Variants in DHX29 observed in about 807,000 individuals in gnomAD.
DHX29 encodes ATP-dependent RNA helicase DHX29.
DHX29 carries 79 observed loss-of-function variants against 167.9 expected under a neutral mutation model. The observed-to-expected ratio is 0.47, with a 90% CI of 0.39 to 0.57. DHX29 has a LOEUF of 0.57. Among genes scored for constraint, DHX29 ranks in the 20% least tolerant of loss-of-function variants. The pLI is 0.00. For missense variants in DHX29, 1,347 were observed against 1,593.4 expected (o/e 0.85, Z 2.63); for synonymous variants, 530 against 546.0 (o/e 0.97, Z 0.41).
At chr5:55,292,132 T>A (rs1748079054) in intron 6 of DHX29, among the ~76,000 whole-genome samples, 3 of 152,194 alleles carry the variant, frequency 2.0e-5, no homozygotes, top group Non-Finnish European at 2.9e-5. Flanking sequence ...CATTTTACAT[T>A]CCCACCAACA....
At chr5:55,265,357 ACT>A (rs772427344) in intron 23 of DHX29, among the ~76,000 whole-genome samples, 44 of 151,264 alleles carry the variant, frequency 2.9e-4, no homozygotes, top group Non-Finnish European at 5.3e-4. Context: ...AAGGGAGATG[ACT>A]CTGAAAAAAA....
In DHX29 at chr5:55,289,428, T is replaced by A. The variant is rs1259906697; in HGVS notation, c.908A>T (p.Glu303Val). 1 of 1,525,122 alleles carries A rather than the reference T, an allele frequency of 6.6e-7. No individual in the cohort carries two copies. The highest frequency in any genetic ancestry group is 2.5e-5 in the East Asian group (1 of 40,214). 94.5% of individuals were successfully genotyped at this position (1,525,122 alleles called of 1,614,324 possible). ...TGGATGGTCTTCTAAAGTTTCCATTTCTACCAAGAAAAAAATATAATGTTT... is the reference window on the plus strand; with the variant it reads ...TGGATGGTCTTCTAAAGTTTCCATTACTACCAAGAAAAAAATATAATGTTT... ...AQEKIRKFQREMETLEDHPVF... is the reference protein window; with the variant it reads ...AQEKIRKFQRVMETLEDHPVF... Residue 303 changes from glutamate to valine, a missense_variant and splice_region_variant, in exon 8 of 27, where the codon GAA (glutamate) becomes GTA (valine). By Grantham distance (121) the Glu-to-Val change is moderately radical (BLOSUM62 -2). This residue lies in a region of DHX29 where 405 missense variants were observed against 416.8 expected (regional missense o/e 0.97). Transcript: ENST00000251636.
intron 14 of DHX29, 118 bp downstream of exon 14, chr5:55,276,148 C>T: frequency 1.2e-6 from 1 of 833,844 alleles, no homozygotes; most frequent in Non-Finnish European, 1.8e-6. Context: ...CAGATCTGTT[C>T]CTCATCTATC....
intron 1 of DHX29, among the ~76,000 whole-genome samples, chr5:55,303,343 C>A (rs1748701701): frequency 6.6e-6 from 1 of 152,070 alleles, no homozygotes; most frequent in Non-Finnish European, 1.5e-5. Flanking sequence ...GGTAAACAGA[C>A]CCAGTGCCTG....
intron 1 of DHX29, among the ~76,000 whole-genome samples, chr5:55,300,942 T>C (rs920854720): frequency 1.3e-5 from 2 of 152,182 alleles, no homozygotes; most frequent in Admixed American, 1.3e-4. Flanking sequence ...GAGGTTTCAT[T>C]CTGAGGCCTC....
intron 23 of DHX29, among the ~76,000 whole-genome samples, chr5:55,266,815 T>C (rs1746601052): frequency 6.6e-6 from 1 of 151,672 alleles, no homozygotes; most frequent in Non-Finnish European, 1.5e-5. Flanking sequence ...GCAGTCTCAC[T>C]ATGTGCCCAG....
chr5:55,270,333 G>C, intron 20 of DHX29, 79 bp downstream of exon 20: 1 of 1,429,420 alleles, frequency 7.0e-7, no homozygotes, highest in Non-Finnish European at 9.3e-7. Context: ...AGCAATATAA[G>C]GTAAGTTTAG....
rs78771409 is a variant in DHX29, at chr5:55,257,422, C to T, written c.4058-882G>A. Among the ~76,000 whole-genome samples, 245 of 152,178 alleles carry T rather than the reference C, an allele frequency of 1.6e-3. 3 individuals are homozygous for T. In the East Asian group the frequency reaches 0.032, roughly 20 times the overall value. ...GGAACAATGGCAGGTCTAGAAAGAA[C>T]GTTTTTCTTTTTTATTTTTTAAGAG... On this transcript the variant is annotated intron_variant, in intron 26 of 26. Coordinates refer to ENST00000251636, the MANE Select transcript of DHX29 (RefSeq NM_019030.4).
chr5:55,285,948 A>G, intron 8 of DHX29, 87 bp from the exon 9 acceptor site: 1 of 1,115,154 alleles, frequency 9.0e-7, no homozygotes, highest in Non-Finnish European at 1.2e-6. Flanking sequence ...TTTGGAGAAC[A>G]GCACTTTTAG....
At chr5:55,261,071 T>C (rs1454890096) in intron 25 of DHX29, among the ~76,000 whole-genome samples, 1 of 152,168 alleles carries the variant, frequency 6.6e-6, no homozygotes, top group African/African-American at 2.4e-5. Flanking sequence ...AGAAATTACC[T>C]AACAAGGTTG....
At chr5:55,307,205 A>C (rs935343401) in intron 1 of DHX29, among the ~76,000 whole-genome samples, 182 bp downstream of exon 1, 3 of 152,224 alleles carry the variant, frequency 2.0e-5, no homozygotes, top group Non-Finnish European at 4.4e-5. Flanking sequence ...AGAATTTTGG[A>C]GGCCCAAAGA....
intron 12 of DHX29, among the ~76,000 whole-genome samples, chr5:55,277,792 G>C (rs1037805319): frequency 6.6e-6 from 1 of 151,394 alleles, no homozygotes; most frequent in African/African-American, 2.4e-5. Context: ...TGTAATCCCA[G>C]CTACCCGGGA....
chr5:55,262,655 T>C lies in DHX29; in HGVS notation c.3803A>G (p.His1268Arg), dbSNP rs111771500. 1 of 1,613,982 alleles carries C rather than the reference T, an allele frequency of 6.2e-7. No homozygotes were observed. The highest frequency in any genetic ancestry group is 8.5e-7 in the Non-Finnish European group (1 of 1,179,970). The stretch of plus-strand genomic sequence containing the variant: ...CTTCTCCTGGTATAAGAGCCATCCA[T>C]GAGTTTGCAAATCTCGATTTACTGA... The part of the protein sequence containing the change: ...PSSVNRDLQT[H>R]GWLLYQEKIR... The change falls in exon 24 of 27, where the codon CAT becomes CGT. Residue 1268 changes from histidine to arginine, a missense_variant. His to Arg is a conservative substitution (Grantham distance 29, BLOSUM62 0). Around this residue, in one of 3 missense-constraint regions of DHX29, gnomAD observed 882 missense variants for 1,082.4 expected, o/e 0.81. Transcript: ENST00000251636.
intron 23 of DHX29, among the ~76,000 whole-genome samples, chr5:55,265,984 T>TA (rs1422810110): frequency 6.6e-6 from 1 of 152,126 alleles, no homozygotes; most frequent in Non-Finnish European, 1.5e-5. Context: ...ATTCTCTCCT[T>TA]TCAACTTTTT....
rs749940456 is a variant in DHX29 at position 55,274,662 on chromosome 5, T to A, written c.2642A>T (p.Gln881Leu). 3.7e-6 allele frequency: 6 copies of A among 1,605,326 alleles called. No homozygotes were observed. In the Admixed American group the frequency reaches 1.0e-4, roughly 28 times the overall value. The change falls in exon 16 of 27, where the codon CAG becomes CTG. Residue 881 changes from glutamine (Q) to leucine (L), a missense_variant. Physicochemically the swap from Gln to Leu is moderately radical, Grantham distance 113. This residue lies in a region of DHX29 where 882 missense variants were observed against 1,082.4 expected (regional missense o/e 0.81). Coordinates refer to ENST00000251636, the MANE Select transcript of DHX29 (RefSeq NM_019030.4). ...LIFLPGLAHI[Q>L]QLYDLLSNDR... ...ATTTGATAGAAGATCATACAACTGC[T>A]GAATATGAGCAAGTCCTGGTAAAAA...
chr5:55,275,725 CTATG>C (rs375674768), intron 14 of DHX29, among the ~76,000 whole-genome samples: 15,628 of 148,758 alleles, frequency 0.11, 1,087 homozygotes, highest in African/African-American at 0.2. Flanking sequence ...GACAGCTTCA[CTATG>C]TATGTATGTA....
chr5:55,274,650 T>C lies in DHX29; in HGVS notation c.2654A>G (p.Asp885Gly). 1 of 1,604,352 alleles carries C rather than the reference T, an allele frequency of 6.2e-7. No homozygotes were observed. Among genetic ancestry groups the C allele is most frequent in the Non-Finnish European group, 8.5e-7 (1 of 1,176,558 alleles). ...AAATCTTCTATCATTTGATAGAAGA[T>C]CATACAACTGCTGAATATGAGCAAG... ...PGLAHIQQLY[D>G]LLSNDRRFYS... Residue 885 changes from aspartate to glycine, a missense_variant, in exon 16 of 27, where the codon GAT (aspartate) becomes GGT (glycine). Asp to Gly is a moderately conservative substitution (Grantham distance 94). Transcript: ENST00000251636.
intron 25 of DHX29, among the ~76,000 whole-genome samples, chr5:55,260,536 G>A (rs993075502): frequency 2.5e-3 from 13 of 5,176 alleles, no homozygotes; most frequent in African/African-American, 5.9e-3. Flanking sequence ...CGGCTTTATT[G>A]AGATATAAAA....
In DHX29 at chr5:55,290,329, G is replaced by T. The variant is rs773141039; in HGVS notation, c.796C>A (p.His266Asn). The change falls in exon 7 of 27, where the codon CAT becomes AAT. Residue 266 changes from histidine to asparagine, a missense_variant. By Grantham distance (68) the His-to-Asn change is moderately conservative. Transcript: ENST00000251636. ...EKFDPNERYL[H>N]LAAKLLDAKE... is the part of the protein sequence containing the mutation. ...GCATCCAGCAGTTTTGCTGCAAGAT[G>T]TAAGTACCTTTCATTCTGTTCCAAA... The T allele has an allele frequency of 6.2e-7, 1 of 1,605,568 alleles. No homozygotes were observed. Among genetic ancestry groups the T allele is most frequent in the South Asian group, 1.1e-5 (1 of 89,126 alleles).
Sources: gnomAD v4.1 joint callset for allele counts (sites outside exome capture counted in the v4.1 genomes callset) on GRCh38, gnomAD v4.1.1 for gene constraint, gnomAD v4.1.1 regional missense constraint, MANE v1.5 for transcripts, NCBI Gene and HGNC (gene_info 2026-07-23, HGNC 2026-07-21) for gene names.